The following SEMA5A variants were observed in gnomAD, a reference collection of about 807,000 sequenced individuals.
The protein encoded by SEMA5A is semaphorin 5A.
SEMA5A carries 55 observed loss-of-function variants against 135.5 expected under a neutral mutation model. That is an observed-to-expected ratio of 0.41 (90% CI 0.33 to 0.51). The LOEUF (loss-of-function observed/expected upper bound fraction) is 0.51. SEMA5A is among the 20% of genes least tolerant of loss of function. The probability of loss-of-function intolerance (pLI) is 0.37; values close to 1 mark genes in which losing one functional copy is unlikely to be tolerated. For synonymous variants in SEMA5A, 580 were observed against 546.5 expected, an observed-to-expected ratio of 1.06 and a Z score of -0.85; for missense variants, 1,290 against 1,419.9, an observed-to-expected ratio of 0.91 and a Z score of 1.47.
chr5:9,415,277 A>G (rs1757244634), intron 2 of SEMA5A, among the ~76,000 whole-genome samples: 1 of 152,194 alleles, frequency 6.6e-6, no homozygotes, highest in Non-Finnish European at 1.5e-5. Flanking sequence ...GCTTTGTACC[A>G]TTCCTGGGAA....
At chr5:9,146,718 G>T (rs1742358049) in intron 12 of SEMA5A, among the ~76,000 whole-genome samples, 2 of 152,130 alleles carry the variant, frequency 1.3e-5, no homozygotes, top group South Asian at 4.1e-4. Flanking sequence ...TGAAGGCAGG[G>T]TCAGGGATGC....
intron 3 of SEMA5A, among the ~76,000 whole-genome samples, chr5:9,353,194 A>G (rs1369358313): frequency 2.3e-4 from 26 of 111,376 alleles, no homozygotes; most frequent in South Asian, 6.9e-4. Flanking sequence ...GGGAAGGGAA[A>G]GGAAAGGAAA....
At chr5:9,215,112 CAGG>C (rs1236409237) in intron 8 of SEMA5A, among the ~76,000 whole-genome samples, 1 of 152,162 alleles carries the variant, frequency 6.6e-6, no homozygotes, top group African/African-American at 2.4e-5. Context: ...GCAAAGCAGA[CAGG>C]AGATCACCAT....
At chr5:9,449,055 T>C (rs989644486) in intron 1 of SEMA5A, among the ~76,000 whole-genome samples, 3 of 152,178 alleles carry the variant, frequency 2.0e-5, no homozygotes, top group Non-Finnish European at 2.9e-5. Flanking sequence ...GACCCAGAAA[T>C]TTCATTACTG....
intron 3 of SEMA5A, among the ~76,000 whole-genome samples, chr5:9,343,853 C>G (rs1263751060): frequency 2.0e-5 from 3 of 152,152 alleles, no homozygotes; most frequent in Non-Finnish European, 4.4e-5. Context: ...GGTAATCTCA[C>G]TTTGGACAAT....
At chr5:9,184,057 T>G (rs1424331482) in intron 11 of SEMA5A, among the ~76,000 whole-genome samples, 1 of 152,166 alleles carries the variant, frequency 6.6e-6, no homozygotes, top group East Asian at 1.9e-4. Context: ...TTAGTCTTAT[T>G]TCATGTTTGT....
At chr5:9,447,241 T>C (rs1348552961) in intron 1 of SEMA5A, among the ~76,000 whole-genome samples, 2 of 152,214 alleles carry the variant, frequency 1.3e-5, no homozygotes, top group South Asian at 2.1e-4. Flanking sequence ...AATGTGCATA[T>C]TGGGCTCTCT....
intron 5 of SEMA5A, among the ~76,000 whole-genome samples, chr5:9,287,388 T>C (rs140433013): frequency 0.011 from 1,713 of 152,314 alleles, 32 homozygotes; most frequent in African/African-American, 0.038. Context: ...TCCTTTCATA[T>C]ATACATAATT....
intron 1 of SEMA5A, among the ~76,000 whole-genome samples, chr5:9,456,820 C>T (rs1321975985): frequency 6.6e-6 from 1 of 152,154 alleles, no homozygotes; most frequent in Non-Finnish European, 1.5e-5. Context: ...TGGAAATTGC[C>T]ATTCAATGAG....
intron 21 of SEMA5A, among the ~76,000 whole-genome samples, chr5:9,048,426 C>G (rs1043781584): frequency 6.6e-6 from 1 of 152,180 alleles, no homozygotes; most frequent in Non-Finnish European, 1.5e-5. Context: ...AAAAGTAATG[C>G]TTCATCAGTC....
chr5:9,306,923 C>T (rs1174730020), intron 5 of SEMA5A, among the ~76,000 whole-genome samples: 1 of 152,170 alleles, frequency 6.6e-6, no homozygotes, highest in Admixed American at 6.5e-5. Flanking sequence ...TCAAATGGTG[C>T]TTGGCAATTC....
At position 9,397,050 on chromosome 5, in the gene SEMA5A, C is replaced by CA. The variant is rs11345966; in HGVS notation, c.-77-17028dup. 1.1e-3 allele frequency among the ~76,000 whole-genome samples: 147 copies of CA among 138,838 alleles called. 2 individuals are homozygous for CA. The highest frequency in any genetic ancestry group is 1.6e-3 in the East Asian group (8 of 4,874). The allele number at this position is 138,838 out of a possible 152,430, so 91.1% of individuals were successfully genotyped here. A position where few individuals can be genotyped will look rare whatever the true frequency, so the allele number is the denominator to read the frequency against. On this transcript the variant is annotated intron_variant, in intron 2 of 22. Transcript: ENST00000382496. ...TTCTATACAAATGGAACAAGGAAGACAAAAAAAAAAAATAGGACCAAAGAA... is the reference window on the plus strand; with the variant it reads ...TTCTATACAAATGGAACAAGGAAGACAAAAAAAAAAAAATAGGACCAAAGAA...
rs1185293855 is a variant in SEMA5A at position 9,202,040 on chromosome 5, C to G, written c.847G>C (p.Glu283Gln). The change falls in exon 9 of 23, where the codon GAA becomes CAA. Residue 283 changes from glutamate to glutamine, a missense_variant. Glu to Gln is a conservative substitution (Grantham distance 29). Coordinates refer to ENST00000382496, the MANE Select transcript of SEMA5A (RefSeq NM_003966.3). ...AATTCGTTGTAGTAAAAGGGGACTT[C>G]CCCAGGACGGGAGCAGTTCAGGCGA... is the stretch of plus-strand genomic sequence containing the variant. ...KARLNCSRPG[E>Q]VPFYYNELQS... 1 of 1,614,162 alleles carries G rather than the reference C, an allele frequency of 6.2e-7. No homozygotes were observed. The highest frequency in any genetic ancestry group is 1.7e-5 in the Admixed American group (1 of 60,026).
At chr5:9,506,386 AAATT>A (rs1735880675) in intron 1 of SEMA5A, among the ~76,000 whole-genome samples, 1 of 152,214 alleles carries the variant, frequency 6.6e-6, no homozygotes, top group Non-Finnish European at 1.5e-5. Flanking sequence ...TATTTTTGAA[AAATT>A]AATATAATGG....
At chr5:9,285,395 C>T (rs1390047910) in intron 5 of SEMA5A, among the ~76,000 whole-genome samples, 1 of 152,164 alleles carries the variant, frequency 6.6e-6, no homozygotes, top group Non-Finnish European at 1.5e-5. Context: ...AAGACAGTGG[C>T]CTTTGAGTCA....
chr5:9,454,444 T>C (rs557026350), intron 1 of SEMA5A, among the ~76,000 whole-genome samples: 3 of 152,330 alleles, frequency 2.0e-5, no homozygotes, highest in Admixed American at 1.3e-4. Context: ...AGTTGTCCCT[T>C]TGATATATTC....
At chr5:9,348,016 G>A (rs568656320) in intron 3 of SEMA5A, among the ~76,000 whole-genome samples, 2 of 152,234 alleles carry the variant, frequency 1.3e-5, no homozygotes, top group South Asian at 4.2e-4. Flanking sequence ...CAAATAACTT[G>A]TCAAATCTCA....
At chr5:9,351,256 T>G (rs1051753490) in intron 3 of SEMA5A, among the ~76,000 whole-genome samples, 3 of 152,082 alleles carry the variant, frequency 2.0e-5, no homozygotes, top group African/African-American at 7.2e-5. Flanking sequence ...GGCTAGAAAC[T>G]AGACAAATGC....
intron 16 of SEMA5A, among the ~76,000 whole-genome samples, chr5:9,101,297 C>G (rs537921187): frequency 3.9e-5 from 6 of 152,316 alleles, no homozygotes; most frequent in South Asian, 2.1e-4. Flanking sequence ...AGCAGGCCAC[C>G]ATTATAAATG....
Sources: gnomAD v4.1 joint callset for allele counts (sites outside exome capture counted in the v4.1 genomes callset) on GRCh38, gnomAD v4.1.1 for gene constraint, MANE v1.5 for transcripts, NCBI Gene and HGNC (gene_info 2026-07-23, HGNC 2026-07-21) for gene names.